Variants in SUZ12 observed in about 807,000 individuals in gnomAD.
SUZ12 encodes SUZ12 polycomb repressive complex 2 subunit.
A neutral mutation model predicts 87.3 loss-of-function variants in SUZ12; 17 were observed. The ratio of observed to expected loss-of-function variants is 0.19; its 90% CI spans 0.13 to 0.29. The LOEUF (loss-of-function observed/expected upper bound fraction) is 0.29, where lower values mean the gene tolerates loss of function less well. Among genes scored for constraint, SUZ12 ranks in the 10% least tolerant of loss-of-function variants. The pLI is 1.00. For missense variants in SUZ12, 526 were observed against 912.2 expected (o/e 0.58, Z 5.45); for synonymous variants, 253 against 312.4 (o/e 0.81, Z 2.01).
chr17:31,981,500 C>G (rs1057504940), intron 8 of SUZ12, among the ~76,000 whole-genome samples: 1 of 152,102 alleles, frequency 6.6e-6, no homozygotes, highest in African/African-American at 2.4e-5. Flanking sequence ...TTGTAGGTAT[C>G]AAATGTACAC....
chr17:31,990,569 T>C (rs1176334685), intron 10 of SUZ12, among the ~76,000 whole-genome samples: 1 of 152,070 alleles, frequency 6.6e-6, no homozygotes. Context: ...TTCATCATGT[T>C]GGCCAGGCTT....
rs183047311 is a variant in SUZ12, at chr17:31,987,261, A to G, written c.1024-1059A>G. 1.8e-3 allele frequency among the ~76,000 whole-genome samples: 274 copies of G among 152,344 alleles called. 1 individual carries two copies. Among genetic ancestry groups the G allele is most frequent in the Admixed American group, 4.4e-3 (68 of 15,300 alleles). Reference sequence around the variant, plus strand: ...TGTTTTAGAAGAAAAGATACTGGATACACTTCTAAACATGTTTTAGTTCAA... The same window carrying G: ...TGTTTTAGAAGAAAAGATACTGGATGCACTTCTAAACATGTTTTAGTTCAA... On this transcript the variant is annotated intron_variant, in intron 9 of 15. Coordinates refer to ENST00000322652, the MANE Select transcript of SUZ12 (RefSeq NM_015355.4).
chr17:31,950,437 C>T (rs890338346), intron 4 of SUZ12, among the ~76,000 whole-genome samples: 1 of 152,074 alleles, frequency 6.6e-6, no homozygotes, highest in African/African-American at 2.4e-5. Flanking sequence ...ATAATCCCAG[C>T]ATTTTGGTGG....
At position 31,951,447 on chromosome 17, in the gene SUZ12, A is replaced by G. The variant is rs1435095429; in HGVS notation, c.455+3762A>G. 2.6e-5 allele frequency among the ~76,000 whole-genome samples: 4 copies of G among 151,800 alleles called. No individual in the cohort carries two copies. The East Asian group carries it at 7.7e-4, about 29-fold the overall frequency. On this transcript the variant is annotated intron_variant, in intron 4 of 15. Transcript: ENST00000322652. ...AGAAACTTGTTGGTGGAAGGAGGTG[A>G]TAGAAAAACATGAGCTATTAAATGG...
intron 4 of SUZ12, among the ~76,000 whole-genome samples, chr17:31,953,562 C>G (rs1290977630): frequency 6.6e-6 from 1 of 152,026 alleles, no homozygotes; most frequent in Non-Finnish European, 1.5e-5. Flanking sequence ...CATGTACTGT[C>G]ACACCTCACT....
At chr17:31,964,786 G>C (rs1907991724) in intron 4 of SUZ12, among the ~76,000 whole-genome samples, 1 of 152,032 alleles carries the variant, frequency 6.6e-6, no homozygotes, top group African/African-American at 2.4e-5. Context: ...CCATGGAAAT[G>C]TCTTTCTTAC....
chr17:31,939,066 C>G (rs117029332), intron 1 of SUZ12, among the ~76,000 whole-genome samples: 15,111 of 152,090 alleles, frequency 0.099, 1,029 homozygotes, highest in Middle Eastern at 0.15. Flanking sequence ...GACTTAAGTC[C>G]TGTATAACAA....
intron 13 of SUZ12, 50 bp from the exon 14 acceptor site, chr17:31,995,514 G>A (rs1909929273): frequency 6.8e-7 from 1 of 1,473,884 alleles, no homozygotes. Context: ...CGTGAGGTTA[G>A]ATGGTATACA....
intron 10 of SUZ12, among the ~76,000 whole-genome samples, chr17:31,991,542 C>CTT (rs3084718): frequency 0.15 from 23,280 of 151,318 alleles, 2,012 homozygotes; most frequent in African/African-American, 0.21. Flanking sequence ...ATATAAATAC[C>CTT]TTTTTTTCTT....
At chr17:31,958,753 G>A (rs1438111136) in intron 4 of SUZ12, among the ~76,000 whole-genome samples, 2 of 152,220 alleles carry the variant, frequency 1.3e-5, no homozygotes, top group Non-Finnish European at 2.9e-5. Context: ...GGCTGAGGCA[G>A]GAGAATTGCT....
At chr17:31,972,393 A>G (rs1309083046) in intron 5 of SUZ12, among the ~76,000 whole-genome samples, 2 of 150,030 alleles carry the variant, frequency 1.3e-5, no homozygotes, top group Non-Finnish European at 3.0e-5. Flanking sequence ...GTATATATAT[A>G]TATATATATA....
intron 1 of SUZ12, 85 bp from the exon 2 acceptor site, chr17:31,940,201 T>C (rs1199369609): frequency 2.5e-5 from 39 of 1,546,344 alleles, no homozygotes; most frequent in Non-Finnish European, 3.4e-5. Context: ...ATGATAAGTT[T>C]ATATTGATTA....
intron 8 of SUZ12, among the ~76,000 whole-genome samples, chr17:31,981,371 C>T (rs1305850340): frequency 1.3e-5 from 2 of 152,140 alleles, no homozygotes; most frequent in African/African-American, 4.8e-5. Flanking sequence ...ATTAAAAGTA[C>T]ACTGAGATGC....
At chr17:31,938,548 A>G (rs1858978199) in intron 1 of SUZ12, among the ~76,000 whole-genome samples, 1 of 152,200 alleles carries the variant, frequency 6.6e-6, no homozygotes, top group Admixed American at 6.5e-5. Flanking sequence ...AACTTAATAG[A>G]AGGAATTTCA....
chr17:31,988,185 G>C, intron 9 of SUZ12, 135 bp from the exon 10 acceptor site: 1 of 809,164 alleles, frequency 1.2e-6, no homozygotes, highest in South Asian at 2.2e-5. Flanking sequence ...AGCCGTCTCA[G>C]TCAGCATTTG....
chr17:31,944,467 C>T (rs769643780), intron 3 of SUZ12, among the ~76,000 whole-genome samples: 4 of 152,126 alleles, frequency 2.6e-5, no homozygotes, highest in Non-Finnish European at 5.9e-5. Context: ...ATTTTCCCGT[C>T]ATGTTTATTA....
At chr17:31,951,483 T>C (rs1378007156) in intron 4 of SUZ12, among the ~76,000 whole-genome samples, 1 of 106,604 alleles carries the variant, frequency 9.4e-6, no homozygotes, top group Non-Finnish European at 2.3e-5. Flanking sequence ...TGGTTAGTTC[T>C]TTTTTTTTTT....
At position 32,000,619 on chromosome 17, in the gene SUZ12, C is replaced by T. The variant is rs190103141; in HGVS notation, c.*1616C>T. ...TATCTCGGGCTTTAATTTGCTAAAGCTGTGCACATATGTAAAAAAAAAAAA... is the reference window on the plus strand; with the variant it reads ...TATCTCGGGCTTTAATTTGCTAAAGTTGTGCACATATGTAAAAAAAAAAAA... On this transcript the variant is annotated 3_prime_UTR_variant, in exon 16 of 16. Transcript: ENST00000322652. 1.1e-4 allele frequency: 25 copies of T among 225,398 alleles called. No homozygotes were observed. The East Asian group carries it at 1.5e-3, about 13-fold the overall frequency. 14.0% of individuals were successfully genotyped at this position (225,398 alleles called of 1,614,324 possible).
chr17:31,972,383 G>GTGTATA (rs944753624), intron 5 of SUZ12, among the ~76,000 whole-genome samples: 1 of 144,682 alleles, frequency 6.9e-6, no homozygotes, highest in African/African-American at 2.5e-5. Context: ...GTTTGTGTGT[G>GTGTATA]TATATATATA....
Sources: gnomAD v4.1 joint callset for allele counts (sites outside exome capture counted in the v4.1 genomes callset) on GRCh38, gnomAD v4.1.1 for gene constraint, MANE v1.5 for transcripts, NCBI Gene and HGNC (gene_info 2026-07-23, HGNC 2026-07-21) for gene names.